The following RANBP3 variants were observed in gnomAD, a reference collection of about 807,000 sequenced individuals.
RANBP3 encodes RAN binding protein 3.
In RANBP3, 14 loss-of-function variants were observed where a neutral mutation model predicts 77.3. The observed-to-expected ratio is 0.18, with a 90% CI of 0.12 to 0.28. The LOEUF (loss-of-function observed/expected upper bound fraction) is 0.28. RANBP3 is among the 10% of genes least tolerant of loss of function. The probability of loss-of-function intolerance (pLI) is 1.00; values close to 1 mark genes in which losing one functional copy is unlikely to be tolerated. For missense variants in RANBP3, 586 were observed against 752.3 expected (o/e 0.78, Z 2.59); for synonymous variants, 315 against 312.4 (o/e 1.01, Z -0.09).
Position 5,927,965 on chromosome 19 carries a change from T to C in RANBP3, c.813+3A>G, listed in dbSNP as rs548910657. ...CAATGTGCTGGTTCAACAGCTCACATACCTTAACTCTGTCCCTCAAGTTCT... is the reference window on the plus strand; with the variant it reads ...CAATGTGCTGGTTCAACAGCTCACACACCTTAACTCTGTCCCTCAAGTTCT... On this transcript the variant is annotated splice_donor_region_variant and intron_variant, in intron 9 of 16. Transcript: ENST00000340578. 1 of 1,605,628 alleles carries C rather than the reference T, an allele frequency of 6.2e-7. No individual in the cohort carries two copies. The highest frequency in any genetic ancestry group is 2.2e-5 in the East Asian group (1 of 44,584).
At chr19:5,923,097 A>G in intron 13 of RANBP3, 97 bp downstream of exon 13, 1 of 954,120 alleles carries the variant, frequency 1.0e-6, no homozygotes, top group Non-Finnish European at 1.6e-6. Flanking sequence ...TCTCAGGGGC[A>G]GGCCTGTGTG....
At chr19:5,951,914 G>C (rs1012475297) in intron 2 of RANBP3, among the ~76,000 whole-genome samples, 1 of 152,234 alleles carries the variant, frequency 6.6e-6, no homozygotes, top group African/African-American at 2.4e-5. Flanking sequence ...GGGCCTTGGT[G>C]ATCAAGGGAC....
Position 5,923,462 on chromosome 19 carries a change from C to T in RANBP3, c.1100-159G>A, listed in dbSNP as rs575022901. Reference sequence around the variant, plus strand: ...CAACCCAAGTGGACCCTAGACACAGCCAGAGCATATGGCCTCAGAAGCTGC... The same window carrying T: ...CAACCCAAGTGGACCCTAGACACAGTCAGAGCATATGGCCTCAGAAGCTGC... On this transcript the variant is annotated intron_variant, in intron 12 of 16. Coordinates refer to ENST00000340578, the MANE Select transcript of RANBP3 (RefSeq NM_007322.3). Among the ~76,000 whole-genome samples the T allele has an allele frequency of 3.9e-5, 6 of 152,306 alleles. No homozygotes were observed. The South Asian group carries it at 1.2e-3, about 32-fold the overall frequency.
chr19:5,938,951 G>A (rs141391629), intron 5 of RANBP3, among the ~76,000 whole-genome samples: 2,470 of 152,140 alleles, frequency 0.016, 48 homozygotes, highest in African/African-American at 0.055. Flanking sequence ...TTGGGAGGCC[G>A]AGACAGGTGC....
At chr19:5,925,015 C>T in intron 10 of RANBP3, 110 bp from the exon 11 acceptor site, 1 of 977,788 alleles carries the variant, frequency 1.0e-6, no homozygotes, top group Admixed American at 1.7e-5. Context: ...GTGGAGGGGC[C>T]TCCGCCACTG....
At chr19:5,922,773 C>T (rs964964018) in intron 13 of RANBP3, among the ~76,000 whole-genome samples, 8 of 152,094 alleles carry the variant, frequency 5.3e-5, no homozygotes, top group African/African-American at 1.9e-4. Flanking sequence ...AACCCCGTCT[C>T]TACTAAAAAT....
At chr19:5,950,048 G>A (rs1169269453) in intron 3 of RANBP3, among the ~76,000 whole-genome samples, 1 of 152,168 alleles carries the variant, frequency 6.6e-6, no homozygotes, top group Non-Finnish European at 1.5e-5. Context: ...AGCTGAAGAC[G>A]GAAACCTGAG....
intron 15 of RANBP3, 86 bp downstream of exon 15, chr19:5,918,388 GCCCCTCCCCCCTCCCCTCCCCA>G: frequency 1.5e-6 from 1 of 688,310 alleles, no homozygotes. Flanking sequence ...AGCAACTGAA[GCCCCTCCCCCCTCCCCTCCCCA>G]CCGTCCTGCC....
In RANBP3 at chr19:5,923,817, T is replaced by C. The variant is rs1019043134; in HGVS notation, c.1094A>G (p.Glu365Gly). 1.9e-6 allele frequency: 3 copies of C among 1,611,516 alleles called. No individual in the cohort carries two copies. Among genetic ancestry groups the C allele is most frequent in the Non-Finnish European group, 2.5e-6 (3 of 1,177,662 alleles). ...SESSSQEATPEKESLAESAAA... is the reference protein window; with the variant it reads ...SESSSQEATPGKESLAESAAA... ...GTGGTGGGACGCTAACATACCTTTCTCAGGGGTGGCCTCCTGGGACGAGGA... is the reference window on the plus strand; with the variant it reads ...GTGGTGGGACGCTAACATACCTTTCCCAGGGGTGGCCTCCTGGGACGAGGA... Residue 365 changes from glutamate to glycine, a missense_variant, in exon 12 of 17, where the codon GAG becomes GGG. Physicochemically the swap from Glu to Gly is moderately conservative, Grantham distance 98. This residue lies in a region of RANBP3 where 232 missense variants were observed against 271.7 expected (regional missense o/e 0.85). Coordinates refer to ENST00000340578, the MANE Select transcript of RANBP3 (RefSeq NM_007322.3).
intron 1 of RANBP3, among the ~76,000 whole-genome samples, chr19:5,964,092 C>A (rs189271526): frequency 1.7e-4 from 26 of 152,326 alleles, no homozygotes; most frequent in Admixed American, 4.6e-4. Context: ...CCCTCCCATC[C>A]CCTGCTACCC....
rs1177188741 is a variant in RANBP3, at chr19:5,952,047, T to G, written c.79-451A>C. Among the ~76,000 whole-genome samples the G allele has an allele frequency of 6.6e-6, 1 of 152,100 alleles. No individual in the cohort carries two copies. The highest frequency in any genetic ancestry group is 2.4e-5 in the African/African-American group (1 of 41,400). ...AGGGAGGTGGCTGGAACCCCAAAGT[T>G]AGGGAGAAACCAGGGAGGCCAGGGT... is the stretch of plus-strand genomic sequence containing the variant. On this transcript the variant is annotated intron_variant, in intron 2 of 16. Transcript: ENST00000340578. This position sits in a 1 kb window ranked among gnomAD's most constrained non-coding sequence, Gnocchi z 4.1.
Position 5,921,103 on chromosome 19 carries a change from A to C in RANBP3, c.1330+98T>G. 7.1e-7 allele frequency: 1 copy of C among 1,416,882 alleles called. No homozygotes were observed. Among genetic ancestry groups the C allele is most frequent in the Non-Finnish European group, 9.5e-7 (1 of 1,055,206 alleles). 87.8% of individuals were successfully genotyped at this position (1,416,882 alleles called of 1,614,324 possible). A position where few individuals can be genotyped will look rare whatever the true frequency, so the allele number is the denominator to read the frequency against. ...TCTGTGCCTTGACTCTCACAAGGGTAGGGTCAGGATCTCCCCCGCTTCATT... is the reference window on the plus strand; with the variant it reads ...TCTGTGCCTTGACTCTCACAAGGGTCGGGTCAGGATCTCCCCCGCTTCATT... On this transcript the variant is annotated intron_variant, in intron 14 of 16. Transcript: ENST00000340578. The surrounding 1 kb of genome is among the most constrained non-coding windows in gnomAD (Gnocchi z 5.3).
chr19:5,937,147 C>G (rs527476335), intron 5 of RANBP3, among the ~76,000 whole-genome samples: 1 of 149,240 alleles, frequency 6.7e-6, no homozygotes, highest in Non-Finnish European at 1.5e-5. Context: ...TCACTGGGCG[C>G]GAACACTGGA....
At chr19:5,935,678 C>A in intron 5 of RANBP3, 1 of 456,150 alleles carries the variant, frequency 2.2e-6, no homozygotes, top group Non-Finnish European at 4.4e-6. Context: ...TAATCCCTGC[C>A]ACCGACCTGC....
At chr19:5,927,818 G>A (rs571229721) in intron 9 of RANBP3, 150 bp downstream of exon 9, 187 of 1,009,946 alleles carry the variant, frequency 1.9e-4, no homozygotes, top group Admixed American at 1.6e-3. Flanking sequence ...ACCAGCAGCA[G>A]ACTGTGCCGT....
chr19:5,963,066 A>G (rs564753296), intron 1 of RANBP3, among the ~76,000 whole-genome samples: 1 of 152,350 alleles, frequency 6.6e-6, no homozygotes, highest in East Asian at 1.9e-4. Context: ...GCAGATTTCT[A>G]GAGACCCACC....
At chr19:5,923,720 C>T (rs1437211037) in intron 12 of RANBP3, 92 bp downstream of exon 12, 1 of 1,029,542 alleles carries the variant, frequency 9.7e-7, no homozygotes, top group African/African-American at 1.6e-5. Flanking sequence ...GAGTCGGGCC[C>T]CTTATCCCTC....
rs2057813528 is a variant in RANBP3 at position 5,921,136 on chromosome 19, G to A, written c.1330+65C>T. ...GATCTCCCCCGCTTCATTCCCTTTG[G>A]AATTGCATAGTCCCCAGCCCTCCCC... On this transcript the variant is annotated intron_variant, in intron 14 of 16. Transcript: ENST00000340578. The surrounding 1 kb of genome is among the most constrained non-coding windows in gnomAD (Gnocchi z 5.3). 3.9e-6 allele frequency: 6 copies of A among 1,549,806 alleles called. No individual in the cohort carries two copies. The highest frequency in any genetic ancestry group is 4.4e-6 in the Non-Finnish European group (5 of 1,146,406).
rs554612584 is a variant in RANBP3, at chr19:5,926,096, C to G, written c.814-359G>C. ...GACGTTTTGGGGGGTTTACTATGAA[C>G]ATGATAGAAGCAGAATTTCTTGAGG... On this transcript the variant is annotated intron_variant, in intron 9 of 16. Coordinates refer to ENST00000340578, the MANE Select transcript of RANBP3 (RefSeq NM_007322.3). Among the ~76,000 whole-genome samples the G allele has an allele frequency of 3.9e-5, 6 of 152,260 alleles. No individual in the cohort carries two copies. In the South Asian group the frequency reaches 1.2e-3, roughly 32 times the overall value.
Sources: allele counts gnomAD v4.1 joint callset (sites outside exome capture counted in the v4.1 genomes callset), GRCh38; gene constraint gnomAD v4.1.1; regional missense constraint gnomAD v4.1.1; non-coding constraint Gnocchi (gnomAD v3.1); transcripts MANE v1.5; gene names NCBI Gene and HGNC (gene_info 2026-07-23, HGNC 2026-07-21).